The following TMEM232 variants were observed in gnomAD, a reference collection of about 807,000 sequenced individuals.
The protein encoded by TMEM232 is transmembrane protein 232.
Under a neutral mutation model 78.8 loss-of-function variants are expected in TMEM232, and 80 were observed. That is an observed-to-expected ratio of 1.01 (90% confidence interval 0.85 to 1.22). TMEM232 has a LOEUF of 1.22. Ranked by LOEUF, TMEM232 falls within the 50% of genes most tolerant of loss-of-function variation. The pLI is 0.00. For synonymous variants in TMEM232, 297 were observed against 254.3 expected, an observed-to-expected ratio of 1.17 and a Z score of -1.60; for missense variants, 881 against 742.2, an observed-to-expected ratio of 1.19 and a Z score of -2.17.
intron 7 of TMEM232, among the ~76,000 whole-genome samples, chr5:110,623,930 A>G (rs1784093560): frequency 6.6e-6 from 1 of 152,168 alleles, no homozygotes; most frequent in Non-Finnish European, 1.5e-5. Flanking sequence ...GTAAGCTGAT[A>G]TGTCCCTTTC....
intron 11 of TMEM232, 62 bp from the exon 12 acceptor site, chr5:110,528,897 T>G: frequency 2.3e-5 from 28 of 1,226,682 alleles, no homozygotes; most frequent in Non-Finnish European, 2.9e-5. Context: ...AAAAAAATCG[T>G]GTATTATTAA....
At chr5:110,626,405 C>T (rs1034540709) in intron 6 of TMEM232, among the ~76,000 whole-genome samples, 5 of 152,120 alleles carry the variant, frequency 3.3e-5, no homozygotes, top group African/African-American at 4.8e-5. Context: ...TATCAGTCTA[C>T]GGCCACATCT....
chr5:110,491,605 T>C (rs1298559132), intron 12 of TMEM232, among the ~76,000 whole-genome samples: 1 of 152,016 alleles, frequency 6.6e-6, no homozygotes, highest in African/African-American at 2.4e-5. Context: ...TGTTTTAATA[T>C]ACTAAAAAAG....
chr5:110,680,756 T>C (rs1792639821), intron 1 of TMEM232, among the ~76,000 whole-genome samples: 1 of 152,080 alleles, frequency 6.6e-6, no homozygotes, highest in South Asian at 2.1e-4. Flanking sequence ...TTAAAATAAC[T>C]GCACTGACAT....
chr5:110,409,257 C>G (rs1755902957), intron 2 of TMEM232, among the ~76,000 whole-genome samples: 1 of 152,006 alleles, frequency 6.6e-6, no homozygotes, highest in South Asian at 2.1e-4. Flanking sequence ...TTTTCAATGC[C>G]AAATCATAGT....
At chr5:110,401,562 G>A (rs1755598452) in intron 2 of TMEM232, among the ~76,000 whole-genome samples, 1 of 151,930 alleles carries the variant, frequency 6.6e-6, no homozygotes. Context: ...TTTATGCTGT[G>A]GTAGCTTGTT....
At chr5:110,643,703 T>G (rs1787071012) in intron 2 of TMEM232, among the ~76,000 whole-genome samples, 1 of 151,982 alleles carries the variant, frequency 6.6e-6, no homozygotes, top group Non-Finnish European at 1.5e-5. Flanking sequence ...TTTACTGAAT[T>G]TGTTGCTCTG....
chr5:110,536,989 G>A (rs552467872), intron 11 of TMEM232, among the ~76,000 whole-genome samples: 2 of 152,110 alleles, frequency 1.3e-5, no homozygotes, highest in East Asian at 1.9e-4. Flanking sequence ...TCTAACTAAC[G>A]TCAGAGATGT....
In TMEM232 at chr5:110,529,798, G is replaced by A. The variant is rs994420242; in HGVS notation, c.1456-963C>T. ...GCTTCTTCTTTACTTCTTTTAAAGT[G>A]GCCAGAGGCATATTTTCTCTGGCAG... is the stretch of plus-strand genomic sequence containing the variant. On this transcript the variant is annotated intron_variant, in intron 11 of 13. Transcript: ENST00000455884. 2.0e-5 allele frequency among the ~76,000 whole-genome samples: 3 copies of A among 152,166 alleles called. No individual in the cohort carries two copies. In the East Asian group the frequency reaches 5.8e-4, roughly 29 times the overall value.
rs62375465 is a variant in TMEM232, at chr5:110,689,114, C to A, written c.-12-21750G>T. Among the ~76,000 whole-genome samples, 1,225 of 152,194 alleles carry A rather than the reference C, an allele frequency of 8.0e-3. 14 individuals carry two copies. Among genetic ancestry groups the A allele is most frequent in the Non-Finnish European group, 0.014 (955 of 68,006 alleles). On this transcript the variant is annotated intron_variant, in intron 1 of 13. Transcript: ENST00000455884. ...ATCATCTTCAGAGAAAGGCATAGAC[C>A]TGTATCCCAGGCGCATCCTTAACTT...
Position 110,594,529 on chromosome 5 carries a change from T to A in TMEM232, c.1276+10580A>T, listed in dbSNP as rs1779916254. ...TCTTGTTCAGCAGGTCCCACCTTTA[T>A]GGAGCCCAGCAAGCCAAGAACTACT... On this transcript the variant is annotated intron_variant, in intron 10 of 13. Coordinates refer to ENST00000455884, the MANE Select transcript of TMEM232 (RefSeq NM_001039763.4). 2.0e-5 allele frequency among the ~76,000 whole-genome samples: 3 copies of A among 152,204 alleles called. No individual in the cohort carries two copies. In the South Asian group the frequency reaches 6.2e-4, roughly 32 times the overall value.
intron 12 of TMEM232, among the ~76,000 whole-genome samples, chr5:110,431,393 G>GTT: frequency 6.6e-6 from 1 of 151,572 alleles, no homozygotes; most frequent in Admixed American, 6.6e-5. Flanking sequence ...TTAAAAGTTA[G>GTT]ATAATCCTGG....
intron 12 of TMEM232, among the ~76,000 whole-genome samples, chr5:110,456,821 T>C (rs1760960482): frequency 1.3e-5 from 2 of 152,098 alleles, no homozygotes; most frequent in East Asian, 1.9e-4. Context: ...GACTCCCATA[T>C]GTAAAGAAAA....
chr5:110,737,085 T>C (rs1189745493), intron 1 of TMEM232, among the ~76,000 whole-genome samples: 5 of 152,086 alleles, frequency 3.3e-5, no homozygotes, highest in African/African-American at 1.2e-4. Flanking sequence ...TTGCACTATA[T>C]TTGACAGGAT....
chr5:110,576,637 C>T (rs1777601688), intron 10 of TMEM232, among the ~76,000 whole-genome samples: 2 of 152,098 alleles, frequency 1.3e-5, no homozygotes, highest in African/African-American at 4.8e-5. Context: ...TCAAACTATA[C>T]TGCGGGGCTA....
intron 11 of TMEM232, among the ~76,000 whole-genome samples, chr5:110,530,963 C>G (rs12517715): frequency 0.049 from 7,503 of 152,134 alleles, 426 homozygotes; most frequent in East Asian, 0.26. Context: ...TAAGCTAAGC[C>G]ATCATATCCC....
intron 10 of TMEM232, among the ~76,000 whole-genome samples, chr5:110,570,787 A>AC (rs1776855635): frequency 6.6e-6 from 1 of 151,934 alleles, no homozygotes; most frequent in Non-Finnish European, 1.5e-5. Flanking sequence ...TTACTTCTCT[A>AC]CTCACAACTC....
intron 12 of TMEM232, among the ~76,000 whole-genome samples, chr5:110,478,268 TAA>T (rs765903939): frequency 2.6e-4 from 40 of 151,940 alleles, no homozygotes; most frequent in Non-Finnish European, 5.2e-4. Context: ...ATTAAAAAGA[TAA>T]AGTTTTTAAA....
chr5:110,651,120 A>G (rs1788244751), intron 2 of TMEM232, among the ~76,000 whole-genome samples: 3 of 152,182 alleles, frequency 2.0e-5, no homozygotes, highest in African/African-American at 7.2e-5. Flanking sequence ...AGGCAAGAGG[A>G]CACAAAACGG....
Sources: gnomAD v4.1 joint callset for allele counts (sites outside exome capture counted in the v4.1 genomes callset) on GRCh38, gnomAD v4.1.1 for gene constraint, MANE v1.5 for transcripts, NCBI Gene and HGNC (gene_info 2026-07-23, HGNC 2026-07-21) for gene names.